Variants in OPCML observed in about 807,000 individuals in gnomAD.
OPCML encodes the protein opioid binding protein/cell adhesion molecule like, also known as opioid-binding protein/cell adhesion molecule.
A neutral mutation model predicts 37.8 loss-of-function variants in OPCML; 13 were observed. The ratio of observed to expected loss-of-function variants is 0.34; its 90% confidence interval spans 0.22 to 0.55. The LOEUF (loss-of-function observed/expected upper bound fraction) is 0.55, where lower values mean the gene tolerates loss of function less well. Among genes scored for constraint, OPCML ranks in the 20% least tolerant of loss-of-function variants. The pLI is 0.91. For synonymous variants in OPCML, 176 were observed against 168.8 expected (o/e 1.04, Z -0.33); for missense variants, 341 against 435.6 (o/e 0.78, Z 1.93).
intron 1 of OPCML, among the ~76,000 whole-genome samples, chr11:133,416,144 A>G (rs34519511): frequency 0.08 from 12,193 of 152,138 alleles, 1,421 homozygotes; most frequent in African/African-American, 0.25. Flanking sequence ...CAGCAACACA[A>G]AATAACATAC....
intron 7 of OPCML, among the ~76,000 whole-genome samples, chr11:132,430,622 T>C (rs1297000543): frequency 6.6e-6 from 1 of 152,048 alleles, no homozygotes; most frequent in Non-Finnish European, 1.5e-5. Flanking sequence ...GCGTTTTCCT[T>C]TTTCACTTGC....
At chr11:132,559,042 C>T (rs1479298721) in intron 3 of OPCML, among the ~76,000 whole-genome samples, 1 of 151,800 alleles carries the variant, frequency 6.6e-6, no homozygotes, top group Non-Finnish European at 1.5e-5. Flanking sequence ...AGAATGATGA[C>T]TTCCATGTAT....
intron 1 of OPCML, among the ~76,000 whole-genome samples, chr11:133,412,896 T>C (rs1201366096): frequency 6.6e-6 from 1 of 152,214 alleles, no homozygotes; most frequent in Admixed American, 6.5e-5. Flanking sequence ...AGACTGTTTT[T>C]CACAGAAAAT....
intron 2 of OPCML, among the ~76,000 whole-genome samples, chr11:132,901,956 C>T (rs1203257067): frequency 2.0e-5 from 3 of 152,194 alleles, no homozygotes; most frequent in Non-Finnish European, 2.9e-5. Flanking sequence ...GAACCACCAA[C>T]AGGATGATGA....
intron 2 of OPCML, among the ~76,000 whole-genome samples, chr11:132,787,913 G>T (rs940292482): frequency 6.6e-6 from 1 of 152,080 alleles, no homozygotes; most frequent in African/African-American, 2.4e-5. Flanking sequence ...ACAGAGTCTC[G>T]CTTTGTCACC....
intron 3 of OPCML, among the ~76,000 whole-genome samples, chr11:132,601,888 A>T: frequency 6.6e-6 from 1 of 152,198 alleles, no homozygotes; most frequent in East Asian, 1.9e-4. Context: ...GTTGCACACT[A>T]CAGTTACACA....
intron 1 of OPCML, among the ~76,000 whole-genome samples, chr11:133,191,956 A>G: frequency 6.6e-6 from 1 of 152,218 alleles, no homozygotes. Flanking sequence ...AGAAAACCTT[A>G]GAGCTAAATA....
intron 1 of OPCML, among the ~76,000 whole-genome samples, chr11:133,017,531 G>T (rs1947356798): frequency 6.6e-6 from 1 of 151,932 alleles, no homozygotes; most frequent in African/African-American, 2.4e-5. Flanking sequence ...CCAAGTAGCT[G>T]GGATTACAGG....
rs554118208 is a variant in OPCML, at chr11:132,745,011, C to T, written c.147-87692G>A. On this transcript the variant is annotated intron_variant, in intron 2 of 7. Transcript: ENST00000524381. ...GAGCAGGCAGCTCATCCAGGAACCA[C>T]ACCCCTGGGAGAAATGTCTTTCGGC... is the stretch of plus-strand genomic sequence containing the variant. 7.3e-5 allele frequency among the ~76,000 whole-genome samples: 11 copies of T among 151,528 alleles called. No individual in the cohort carries two copies. The South Asian group carries it at 2.3e-3, about 31-fold the overall frequency.
rs551751849 is a variant in OPCML, at chr11:133,281,530, C to T, written c.61+250734G>A. Among the ~76,000 whole-genome samples, 12 of 152,158 alleles carry T rather than the reference C, an allele frequency of 7.9e-5. No individual in the cohort carries two copies. In the South Asian group the frequency reaches 2.5e-3, roughly 32 times the overall value. On this transcript the variant is annotated intron_variant, in intron 1 of 7. Transcript: ENST00000524381. ...CTTCTTTTCTTTATAAATTACCCAG[C>T]CTCATGTATTCCTTTACAGAGATGC...
chr11:133,441,972 A>T (rs374555094), intron 1 of OPCML, among the ~76,000 whole-genome samples: 1 of 152,216 alleles, frequency 6.6e-6, no homozygotes, highest in Non-Finnish European at 1.5e-5. Flanking sequence ...ACTAAAATTA[A>T]TAAAATGCTA....
At chr11:132,823,779 C>T (rs1940134281) in intron 2 of OPCML, among the ~76,000 whole-genome samples, 1 of 152,150 alleles carries the variant, frequency 6.6e-6, no homozygotes, top group African/African-American at 2.4e-5. Flanking sequence ...TCTGCCTCTC[C>T]ACTGAAATGG....
Position 133,212,179 on chromosome 11 carries a change from CCAAT to C in OPCML, c.62-269173_62-269170del, listed in dbSNP as rs1164809122. On this transcript the variant is annotated intron_variant, in intron 1 of 7. Transcript: ENST00000524381. This position sits in a 1 kb window ranked among gnomAD's most constrained non-coding sequence, Gnocchi z 4.9. ...ACCACCAATCACAACATCATAATGA[CCAAT>C]CAATCAACCAAACCAGCAAGGACAA... Among the ~76,000 whole-genome samples the C allele has an allele frequency of 3.3e-5, 5 of 152,308 alleles. No homozygotes were observed. The highest frequency in any genetic ancestry group is 2.1e-4 in the South Asian group (1 of 4,820).
intron 2 of OPCML, among the ~76,000 whole-genome samples, chr11:132,898,020 C>T (rs1591771445): frequency 6.6e-6 from 1 of 152,294 alleles, no homozygotes; most frequent in Non-Finnish European, 1.5e-5. Context: ...CCAGTCATCC[C>T]TGTCATTGCC....
chr11:133,404,645 C>T (rs979983061), intron 1 of OPCML, among the ~76,000 whole-genome samples: 18 of 152,152 alleles, frequency 1.2e-4, no homozygotes, highest in African/African-American at 3.9e-4. Context: ...TGAGTAGTAA[C>T]GATAAGAGAA....
At chr11:133,516,847 A>C (rs1051982879) in intron 1 of OPCML, among the ~76,000 whole-genome samples, 3 of 152,194 alleles carry the variant, frequency 2.0e-5, no homozygotes, top group African/African-American at 7.2e-5. Flanking sequence ...TTATATAAAC[A>C]ACAGAATATT....
chr11:133,079,102 G>C (rs1368532655), intron 1 of OPCML, among the ~76,000 whole-genome samples: 2 of 151,710 alleles, frequency 1.3e-5, no homozygotes, highest in Non-Finnish European at 2.9e-5. Context: ...CCACATACAC[G>C]CCCGCCTGAA....
rs574097530 is a variant in OPCML at position 133,160,510 on chromosome 11, C to T, written c.62-217500G>A. Among the ~76,000 whole-genome samples, 3 of 152,360 alleles carry T rather than the reference C, an allele frequency of 2.0e-5. No homozygotes were observed. In the South Asian group the frequency reaches 6.2e-4, roughly 32 times the overall value. On this transcript the variant is annotated intron_variant, in intron 1 of 7. Transcript: ENST00000524381. The stretch of plus-strand genomic sequence containing the variant: ...GCCCTGAGCCTTCCTTGGAGCTAAG[C>T]ATGACTTGTCTCATCAATGTTTCTC...
At chr11:132,469,005 C>T (rs535056747) in intron 4 of OPCML, among the ~76,000 whole-genome samples, 1 of 152,166 alleles carries the variant, frequency 6.6e-6, no homozygotes, top group Non-Finnish European at 1.5e-5. Flanking sequence ...TGAAAGTAAC[C>T]ACTACCCAAA....
Sources: gnomAD v4.1 joint callset for allele counts (sites outside exome capture counted in the v4.1 genomes callset) on GRCh38, gnomAD v4.1.1 for gene constraint, Gnocchi (gnomAD v3.1) non-coding constraint, MANE v1.5 for transcripts, NCBI Gene and HGNC (gene_info 2026-07-23, HGNC 2026-07-21) for gene names.